MSLN: variants seen among roughly 807,000 people sequenced by gnomAD.
MSLN encodes the protein mesothelin, also known as CAK1 antigen.
Under a neutral mutation model 72.6 loss-of-function variants are expected in MSLN, and 82 were observed. The ratio of observed to expected loss-of-function variants is 1.13; its 90% CI spans 0.94 to 1.36. The LOEUF is 1.36. Among genes scored for constraint, MSLN ranks in the 40% most tolerant of loss-of-function variants. MSLN has a pLI of 0.00. For synonymous variants in MSLN, 456 were observed against 387.3 expected, an observed-to-expected ratio of 1.18 and a Z score of -2.08; for missense variants, 1,005 against 847.9, an observed-to-expected ratio of 1.19 and a Z score of -2.30.
chr16:761,454 G>C (rs1344744739), intron 2 of MSLN, among the ~76,000 whole-genome samples: 1 of 152,242 alleles, frequency 6.6e-6, no homozygotes, highest in Non-Finnish European at 1.5e-5. Flanking sequence ...AGGCCCCTCA[G>C]AGCAGGAAGG....
intron 13 of MSLN, 40 bp downstream of exon 13, chr16:766,530 G>A: frequency 1.2e-6 from 2 of 1,611,762 alleles, no homozygotes; most frequent in African/African-American, 1.3e-5. Context: ...ATGAGATTGG[G>A]AAGGGCTGAG....
rs373364624 is a variant in MSLN at position 765,573 on chromosome 16, C to G, written c.751C>G (p.Leu251Val). The G allele has an allele frequency of 7.5e-6, 12 of 1,606,366 alleles. No homozygotes were observed. In the African/African-American group the frequency reaches 1.6e-4, roughly 21 times the overall value. ...SVSTMDALRG[L>V]LPVLGQPIIR... The stretch of plus-strand genomic sequence containing the variant: ...CTCCACGATGGACGCTCTGCGGGGC[C>G]TGCTGCCCGTGCTGGGCCAGCCCAT... Residue 251 changes from leucine (L) to valine (V), a missense_variant, in exon 10 of 18, where the codon CTG becomes GTG. Leu to Val is a conservative substitution (Grantham distance 32). Coordinates refer to ENST00000545450, the MANE Select transcript of MSLN (RefSeq NM_005823.6).
At position 768,409 on chromosome 16, in the gene MSLN, C is replaced by G. The variant is rs774775018; in HGVS notation, c.1627C>G (p.Leu543Val). Residue 543 changes from leucine to valine, a missense_variant, in exon 17 of 18, where the codon CTG becomes GTG. Leu to Val is a conservative substitution (Grantham distance 32). Transcript: ENST00000545450. The stretch of plus-strand genomic sequence containing the variant: ...GACTGTGGCTGAGGTGCAGAAACTT[C>G]TGGGACCCCACGTGGAGGGCCTGAA... ...PLTVAEVQKL[L>V]GPHVEGLKAE... 2 of 1,512,444 alleles carry G rather than the reference C, an allele frequency of 1.3e-6. No individual in the cohort carries two copies. Among genetic ancestry groups the G allele is most frequent in the Middle Eastern group, 1.8e-4 (1 of 5,590 alleles). 93.7% of individuals were successfully genotyped at this position (1,512,444 alleles called of 1,614,324 possible).
rs745592949 is a variant in MSLN, at chr16:762,654, A to C, written c.-9-18A>C. ...GGTGGGAGCAGGGGGTCCCATCCTG[A>C]GTCACTGCCCTCCACAGACACAGAC... On this transcript the variant is annotated intron_variant, in intron 2 of 17. Coordinates refer to ENST00000545450, the MANE Select transcript of MSLN (RefSeq NM_005823.6). 2 of 1,590,264 alleles carry C rather than the reference A, an allele frequency of 1.3e-6. No homozygotes were observed. Among genetic ancestry groups the C allele is most frequent in the Non-Finnish European group, 1.7e-6 (2 of 1,159,732 alleles).
In MSLN at chr16:764,986, A is replaced by AG. The variant is rs34729817; in HGVS notation, c.466dup (p.Ala156GlyfsTer26). The stretch of plus-strand genomic sequence containing the variant: ...GAAGGCCAATGTGGACCTGCTCCCG[A>AG]GGGGGGCTCCCGAGCGACAGCGGCT... On this transcript the variant is annotated frameshift_variant, in exon 8 of 18. Coordinates refer to ENST00000545450, the MANE Select transcript of MSLN (RefSeq NM_005823.6). LOFTEE classifies it high-confidence loss of function. 6.2e-7 allele frequency: 1 copy of AG among 1,612,122 alleles called. No individual in the cohort carries two copies. Among genetic ancestry groups the AG allele is most frequent in the Non-Finnish European group, 8.5e-7 (1 of 1,179,720 alleles).
chr16:768,841 G>A lies in MSLN; in HGVS notation c.*108G>A, dbSNP rs771288433. On this transcript the variant is annotated 3_prime_UTR_variant, in exon 18 of 18. Coordinates refer to ENST00000545450, the MANE Select transcript of MSLN (RefSeq NM_005823.6). ...CCAAGAGAACTCGCGCTCAGTAAACGGGAACATGCCCCCTGCAGACACGTC... is the reference window on the plus strand; with the variant it reads ...CCAAGAGAACTCGCGCTCAGTAAACAGGAACATGCCCCCTGCAGACACGTC... The A allele has an allele frequency of 1.6e-4, 166 of 1,051,502 alleles. No individual in the cohort carries two copies. Among genetic ancestry groups the A allele is most frequent in the South Asian group, 8.3e-4 (63 of 75,874 alleles). 65.1% of individuals were successfully genotyped at this position (1,051,502 alleles called of 1,614,324 possible).
chr16:768,272 G>T (rs2041666949), intron 16 of MSLN, 107 bp from the exon 17 acceptor site: 2 of 1,176,338 alleles, frequency 1.7e-6, no homozygotes, highest in Non-Finnish European at 2.3e-6. Flanking sequence ...AGAGGCTGCG[G>T]TGGGCATCTG....
intron 15 of MSLN, 99 bp from the exon 16 acceptor site, chr16:767,276 AG>A: frequency 8.3e-7 from 1 of 1,199,786 alleles, no homozygotes. Context: ...CTAAGGAAAA[AG>A]GGAAGCCCTG....
At chr16:766,014 G>A (rs1427138387) in intron 11 of MSLN, 45 bp from the exon 12 acceptor site, 2 of 1,543,286 alleles carry the variant, frequency 1.3e-6, no homozygotes, top group Middle Eastern at 3.7e-4. Context: ...GGAAGAAGGG[G>A]TCAAACGAAC....
At chr16:762,003 A>ACTTCCCCACCCCACAGTGGCC (rs1320089227) in intron 2 of MSLN, among the ~76,000 whole-genome samples, 1 of 151,314 alleles carries the variant, frequency 6.6e-6, no homozygotes, top group Non-Finnish European at 1.5e-5. Context: ...CTCCCCACCC[A>ACTTCCCCACCCCACAGTGGCC]CTTCCCCACC....
chr16:762,434 C>CTG, intron 2 of MSLN: 1 of 536,734 alleles, frequency 1.9e-6, no homozygotes, highest in South Asian at 2.2e-5. Flanking sequence ...GACTCCTGGG[C>CTG]TGTCTGGGCT....
In MSLN at chr16:765,021, G is replaced by A. The variant is rs766991033; in HGVS notation, c.495G>A (p.Ala165=). The A allele has an allele frequency of 4.8e-5, 77 of 1,611,594 alleles. No homozygotes were observed. Among genetic ancestry groups the A allele is most frequent in the African/African-American group, 1.1e-4 (8 of 74,934 alleles). Residue 165 remains alanine (A), a synonymous_variant, in exon 8 of 18, where the codon GCG becomes GCA. Transcript: ENST00000545450. ...CCGAGCGACAGCGGCTGCTGCCTGC[G>A]GCTCTGGCCTGCTGGGTAGGGGCTG... ...GAPERQRLLP[A]ALACWGVRGS...
chr16:764,691 G>A lies in MSLN; in HGVS notation c.345G>A (p.Leu115=), dbSNP rs771741143. The A allele has an allele frequency of 4.3e-6, 7 of 1,612,406 alleles. No homozygotes were observed. The highest frequency in any genetic ancestry group is 1.1e-5 in the South Asian group (1 of 91,076). The change falls in exon 7 of 18, where the codon CTG becomes CTA. Residue 115 remains leucine, a synonymous_variant. Coordinates refer to ENST00000545450, the MANE Select transcript of MSLN (RefSeq NM_005823.6). The stretch of plus-strand genomic sequence containing the variant: ...GGCTCTCTGAGCCCCCCGAGGACCT[G>A]GACGCCCTCCCATTGGACCTGCTGC... ...AHRLSEPPED[L]DALPLDLLLF...
Position 766,109 on chromosome 16 carries a change from ATCT to A in MSLN, c.950_952del (p.Phe317del). 1 of 1,612,690 alleles carries A rather than the reference ATCT, an allele frequency of 6.2e-7. No individual in the cohort carries two copies. Among genetic ancestry groups the A allele is most frequent in the East Asian group, 2.2e-5 (1 of 44,876 alleles). Reference sequence around the variant, plus strand: ...GGCCCGCGAGATAGACGAGAGCCTCATCTTCTACAAGAAGTGGGAGCTGGAAGC... The same window carrying A: ...GGCCCGCGAGATAGACGAGAGCCTCATCTACAAGAAGTGGGAGCTGGAAGC... On this transcript the variant is annotated inframe_deletion, in exon 12 of 18. Coordinates refer to ENST00000545450, the MANE Select transcript of MSLN (RefSeq NM_005823.6).
In MSLN at chr16:766,830, C is replaced by T. The variant is rs372201319; in HGVS notation, c.1373+20C>T. 59 of 1,612,206 alleles carry T rather than the reference C, an allele frequency of 3.7e-5. No individual in the cohort carries two copies. In the African/African-American group the frequency reaches 6.8e-4, roughly 19 times the overall value. ...CATCTGGTGAGTCCCCAGAACTCTGCCCGGCAAGGTGGGTCCGTGTGCTGG... is the reference window on the plus strand; with the variant it reads ...CATCTGGTGAGTCCCCAGAACTCTGTCCGGCAAGGTGGGTCCGTGTGCTGG... On this transcript the variant is annotated intron_variant, in intron 14 of 17. Coordinates refer to ENST00000545450, the MANE Select transcript of MSLN (RefSeq NM_005823.6).
chr16:767,218 C>G (rs749458015), intron 15 of MSLN, among the ~76,000 whole-genome samples, 158 bp from the exon 16 acceptor site: 8 of 151,862 alleles, frequency 5.3e-5, no homozygotes, highest in Non-Finnish European at 8.8e-5. Context: ...TCCAGGGTCT[C>G]CCACGCCTGG....
At position 760,766 on chromosome 16, in the gene MSLN, GCCAGGCTCTCCACCC is replaced by G. The variant is rs1275419623; in HGVS notation, c.-163_-149del. On this transcript the variant is annotated 5_prime_UTR_variant, in exon 1 of 18. Coordinates refer to ENST00000545450, the MANE Select transcript of MSLN (RefSeq NM_005823.6). ...GTTCCCTTTGACGGCCCGGGAGGCT[GCCAGGCTCTCCACCC>G]CCACTTCCCAATTGAGGAAACCGAG... 1 of 152,318 alleles carries G rather than the reference GCCAGGCTCTCCACCC, an allele frequency of 6.6e-6. No homozygotes were observed. The highest frequency in any genetic ancestry group is 1.9e-4 in the East Asian group (1 of 5,178). 9.4% of individuals were successfully genotyped at this position (152,318 alleles called of 1,614,324 possible). A position where few individuals can be genotyped will look rare whatever the true frequency, so the allele number is the denominator to read the frequency against.
intron 4 of MSLN, 136 bp from the exon 5 acceptor site, chr16:763,506 C>T: frequency 1.1e-6 from 1 of 934,406 alleles, no homozygotes; most frequent in Middle Eastern, 2.2e-4. Flanking sequence ...AGCAGCCAAG[C>T]CCATGGGTCT....
In MSLN at chr16:765,728, A is replaced by G. The variant is rs1351094486; in HGVS notation, c.833A>G (p.Asp278Gly). 1 of 1,600,894 alleles carries G rather than the reference A, an allele frequency of 6.2e-7. No individual in the cohort carries two copies. Among genetic ancestry groups the G allele is most frequent in the Admixed American group, 1.7e-5 (1 of 59,988 alleles). ...VAAWRQRSSRDPSWRQPERTI... is the reference protein window; with the variant it reads ...VAAWRQRSSRGPSWRQPERTI... ...GCGTGGCGGCAACGCTCCTCTCGGG[A>G]CCCATCCTGGCGGCAGCCTGAACGG... Residue 278 changes from aspartate (D) to glycine (G), a missense_variant, in exon 11 of 18, where the codon GAC (aspartate) becomes GGC (glycine). Physicochemically the swap from Asp to Gly is moderately conservative, Grantham distance 94. Transcript: ENST00000545450.
Sources: gnomAD v4.1 joint callset for allele counts (sites outside exome capture counted in the v4.1 genomes callset) on GRCh38, gnomAD v4.1.1 for gene constraint, MANE v1.5 for transcripts, NCBI Gene and HGNC (gene_info 2026-07-23, HGNC 2026-07-21) for gene names.